RASEF: variants seen among roughly 807,000 people sequenced by gnomAD.
RASEF encodes the protein ras and EF-hand domain-containing protein.
RASEF carries 68 observed loss-of-function variants against 90.1 expected under a neutral mutation model. The ratio of observed to expected loss-of-function variants is 0.75; its 90% CI spans 0.62 to 0.92. RASEF has a LOEUF of 0.92. Ranked by LOEUF, RASEF falls within the 40% of genes least tolerant of loss-of-function variation. RASEF has a pLI of 0.00. For synonymous variants in RASEF, 331 were observed against 345.2 expected (o/e 0.96, Z 0.46); for missense variants, 949 against 937.2 (o/e 1.01, Z -0.16).
At chr9:83,144,375 G>GA in the RASEF span, among the ~76,000 whole-genome samples, 14 of 24,932 alleles carry the variant, frequency 5.6e-4, 1 homozygote, top group Admixed American at 4.0e-3. Context: ...AAGAAAGAAA[G>GA]AAAGAAAGAA....
At chr9:83,181,275 G>C in the RASEF span, among the ~76,000 whole-genome samples, 1 of 151,892 alleles carries the variant, frequency 6.6e-6, no homozygotes, top group Non-Finnish European at 1.5e-5. Flanking sequence ...GTCACTTAAA[G>C]AGAAGGGCGG....
the RASEF span, among the ~76,000 whole-genome samples, chr9:83,115,902 C>A: frequency 6.6e-6 from 1 of 151,710 alleles, no homozygotes; most frequent in African/African-American, 2.4e-5. Context: ...AAAGCTACAA[C>A]TATTTTTTAA....
intron 4 of RASEF, among the ~76,000 whole-genome samples, chr9:83,014,890 C>T (rs1829316609): frequency 6.6e-6 from 1 of 152,150 alleles, no homozygotes; most frequent in Non-Finnish European, 1.5e-5. Flanking sequence ...CACTATAGAG[C>T]CACCTGTTAA....
chr9:83,022,243 C>A, intron 3 of RASEF, 93 bp downstream of exon 3: 2 of 913,652 alleles, frequency 2.2e-6, no homozygotes, highest in South Asian at 2.7e-5. Flanking sequence ...ACTTGCTGTA[C>A]CCCTGCATGA....
At chr9:83,073,478 CTCT>C in the RASEF span, among the ~76,000 whole-genome samples, 1 of 152,110 alleles carries the variant, frequency 6.6e-6, no homozygotes, top group African/African-American at 2.4e-5. Context: ...ATGAATCCTC[CTCT>C]TAATGGTAAC....
chr9:83,206,054 C>T, the RASEF span, among the ~76,000 whole-genome samples: 9 of 152,154 alleles, frequency 5.9e-5, no homozygotes, highest in South Asian at 2.1e-4. Context: ...AAAGGCATGT[C>T]CCTCCACCTC....
chr9:83,013,482 G>A (rs1323031404), intron 4 of RASEF, among the ~76,000 whole-genome samples: 3 of 152,198 alleles, frequency 2.0e-5, no homozygotes, highest in Non-Finnish European at 2.9e-5. Flanking sequence ...CTTCAGAGAA[G>A]AAAAACCATC....
Position 83,007,574 on chromosome 9 carries a change from C to T in RASEF, c.960-69G>A, listed in dbSNP as rs981910834. 6.4e-6 allele frequency: 7 copies of T among 1,087,718 alleles called. No homozygotes were observed. In the South Asian group the frequency reaches 8.7e-5, roughly 14 times the overall value. The allele number at this position is 1,087,718 out of a possible 1,614,324, so 67.4% of individuals were successfully genotyped here. On this transcript the variant is annotated intron_variant, in intron 6 of 16. Transcript: ENST00000376447. ...GTCCTGCCTCACGTATACCTACCCT[C>T]CCAGACCCTTTCCCACCTTTTTCAA...
the RASEF span, among the ~76,000 whole-genome samples, chr9:83,107,855 C>G: frequency 1.3e-5 from 2 of 152,076 alleles, no homozygotes; most frequent in African/African-American, 4.8e-5. Context: ...GTTGTTTAAA[C>G]GAGCAGTGTC....
rs749928714 is a variant in RASEF at position 82,981,960 on chromosome 9, A to G, written c.*717T>C. The G allele has an allele frequency of 7.2e-5, 11 of 152,226 alleles. No homozygotes were observed. The highest frequency in any genetic ancestry group is 1.6e-4 in the Non-Finnish European group (11 of 68,038). 9.4% of individuals were successfully genotyped at this position (152,226 alleles called of 1,614,324 possible). A position where few individuals can be genotyped will look rare whatever the true frequency, so the allele number is the denominator to read the frequency against. ...ATATACAACTATTTTTGTCTCAAAC[A>G]TGTTTCTTTATACATAAAAAATAGA... On this transcript the variant is annotated 3_prime_UTR_variant, in exon 17 of 17. Transcript: ENST00000376447.
chr9:83,113,853 C>G, the RASEF span, among the ~76,000 whole-genome samples: 6 of 152,136 alleles, frequency 3.9e-5, no homozygotes, highest in Non-Finnish European at 1.5e-5. Context: ...GTAATTCTAA[C>G]TTTGCCTTCA....
intron 5 of RASEF, among the ~76,000 whole-genome samples, chr9:83,011,303 C>T (rs1161761117): frequency 6.6e-6 from 1 of 151,846 alleles, no homozygotes; most frequent in Non-Finnish European, 1.5e-5. Context: ...GCCTATAATC[C>T]CAGCACTTTG....
chr9:83,184,307 G>A, the RASEF span, among the ~76,000 whole-genome samples: 1 of 152,172 alleles, frequency 6.6e-6, no homozygotes, highest in Admixed American at 6.5e-5. Flanking sequence ...CGGGGGCAAA[G>A]GAACAGCCTT....
chr9:83,079,995 A>T, the RASEF span, among the ~76,000 whole-genome samples: 1 of 152,252 alleles, frequency 6.6e-6, no homozygotes, highest in Admixed American at 6.5e-5. Flanking sequence ...ATAAGTGTAT[A>T]GGTAGAAATG....
the RASEF span, among the ~76,000 whole-genome samples, chr9:83,177,689 G>A: frequency 6.6e-6 from 1 of 150,448 alleles, no homozygotes; most frequent in East Asian, 2.0e-4. Flanking sequence ...GTTTATCTTT[G>A]GCTTTCAGCA....
the RASEF span, among the ~76,000 whole-genome samples, chr9:83,174,612 G>T: frequency 1.3e-5 from 2 of 152,062 alleles, no homozygotes; most frequent in African/African-American, 2.4e-5. Flanking sequence ...TTTGAACATT[G>T]TTTTGACTAT....
chr9:83,216,485 C>T, the RASEF span, among the ~76,000 whole-genome samples: 4 of 152,192 alleles, frequency 2.6e-5, no homozygotes, highest in South Asian at 2.1e-4. Context: ...GCAGCTTCCA[C>T]GTGGTCTTGA....
chr9:83,211,214 A>G, the RASEF span, among the ~76,000 whole-genome samples: 1 of 152,116 alleles, frequency 6.6e-6, no homozygotes. Flanking sequence ...GATGTATCTA[A>G]TTTTTAAGGT....
chr9:83,089,785 T>C, the RASEF span, among the ~76,000 whole-genome samples: 2 of 152,194 alleles, frequency 1.3e-5, no homozygotes, highest in Non-Finnish European at 2.9e-5. Context: ...ATTGAGCTTC[T>C]TGTATGTGCA....
Sources: gnomAD v4.1 joint callset for allele counts (sites outside exome capture counted in the v4.1 genomes callset) on GRCh38, gnomAD v4.1.1 for gene constraint, MANE v1.5 for transcripts, NCBI Gene and HGNC (gene_info 2026-07-23, HGNC 2026-07-21) for gene names.